The following PTDSS1 variants were observed in gnomAD, a reference collection of about 807,000 sequenced individuals.
PTDSS1 encodes phosphatidylserine synthase 1, also known as PSS-1.
PTDSS1 carries 45 observed loss-of-function variants against 70.5 expected under a neutral mutation model. The observed-to-expected ratio is 0.64, with a 90% confidence interval of 0.50 to 0.82. The LOEUF (loss-of-function observed/expected upper bound fraction) is 0.82, where lower values mean the gene tolerates loss of function less well. Ranked by LOEUF, PTDSS1 falls within the 40% of genes least tolerant of loss-of-function variation. The pLI is 0.00. For missense variants in PTDSS1, 417 were observed against 586.1 expected (o/e 0.71, Z 2.98); for synonymous variants, 188 against 203.8 (o/e 0.92, Z 0.66).
rs779207081 is a variant in PTDSS1 at position 96,284,984 on chromosome 8, CCAGA to C, written c.316+839_316+842del. ...TGTGCCCTGAGGCCACCAGGGAAGG[CCAGA>C]CAGACAGGAGCCTGCCCTCAAGGAG... On this transcript the variant is annotated intron_variant, in intron 3 of 12. Transcript: ENST00000517309. Among the ~76,000 whole-genome samples, 17 of 152,320 alleles carry C rather than the reference CCAGA, an allele frequency of 1.1e-4. No homozygotes were observed. In the East Asian group the frequency reaches 1.5e-3, roughly 14 times the overall value.
At position 96,286,099 on chromosome 8, in the gene PTDSS1, C is replaced by T. The variant is rs115760069; in HGVS notation, c.317-923C>T. The stretch of plus-strand genomic sequence containing the variant: ...GCGCTTGCAGTGGATTTCATTCCAG[C>T]CACGGACGTGCTCTCCTCTGGAGTG... On this transcript the variant is annotated intron_variant, in intron 3 of 12. Coordinates refer to ENST00000517309, the MANE Select transcript of PTDSS1 (RefSeq NM_014754.3). Among the ~76,000 whole-genome samples, 599 of 152,234 alleles carry T rather than the reference C, an allele frequency of 3.9e-3. 3 individuals are homozygous for T. Among genetic ancestry groups the T allele is most frequent in the South Asian group, 0.024 (114 of 4,830 alleles).
intron 9 of PTDSS1, among the ~76,000 whole-genome samples, chr8:96,319,688 A>G (rs1454716390): frequency 6.6e-6 from 1 of 152,178 alleles, no homozygotes; most frequent in African/African-American, 2.4e-5. Flanking sequence ...TGTGGCAGCC[A>G]CCTAGCCTCT....
At chr8:96,312,180 G>A (rs1811221779) in intron 9 of PTDSS1, among the ~76,000 whole-genome samples, 2 of 152,232 alleles carry the variant, frequency 1.3e-5, no homozygotes, top group African/African-American at 4.8e-5. Flanking sequence ...CTCCACTATG[G>A]CGGCTCACGC....
chr8:96,307,428 C>CTTGTCATCA (rs1361852825), intron 8 of PTDSS1, among the ~76,000 whole-genome samples: 1 of 117,090 alleles, frequency 8.5e-6, no homozygotes, highest in Non-Finnish European at 1.6e-5. Flanking sequence ...AGCACCTCTT[C>CTTGTCATCA]TTGTCATCAT....
Position 96,310,112 on chromosome 8 carries a change from C to T in PTDSS1, c.1073+490C>T, listed in dbSNP as rs186009037. On this transcript the variant is annotated intron_variant, in intron 9 of 12. Transcript: ENST00000517309. ...CCACTGCACTGCACTCCAGCCTGGG[C>T]GATAGAGTGAGACTCCATGTTAAAA... Among the ~76,000 whole-genome samples, 500 of 150,880 alleles carry T rather than the reference C, an allele frequency of 3.3e-3. 2 individuals carry two copies. The highest frequency in any genetic ancestry group is 0.011 in the African/African-American group (453 of 41,100).
chr8:96,324,474 G>T lies in PTDSS1; in HGVS notation c.1173+4129G>T, dbSNP rs531186223. Among the ~76,000 whole-genome samples, 4 of 152,312 alleles carry T rather than the reference G, an allele frequency of 2.6e-5. No homozygotes were observed. The East Asian group carries it at 5.8e-4, about 22-fold the overall frequency. ...TACTGCAGACTGGGTAATTTCAAAA[G>T]AAAATAAGTTTATTCTGCTCACAGT... On this transcript the variant is annotated intron_variant, in intron 10 of 12. Transcript: ENST00000517309.
intron 5 of PTDSS1, among the ~76,000 whole-genome samples, chr8:96,299,038 T>C (rs1393622780): frequency 2.0e-5 from 3 of 147,108 alleles, no homozygotes; most frequent in Non-Finnish European, 4.5e-5. Context: ...AGACTCTGTC[T>C]CAGAAAAAAA....
At chr8:96,281,018 T>C (rs1190638271) in intron 2 of PTDSS1, among the ~76,000 whole-genome samples, 1 of 152,142 alleles carries the variant, frequency 6.6e-6, no homozygotes, top group African/African-American at 2.4e-5. Context: ...GGGCAGGTGA[T>C]GCTGTGGAAT....
intron 2 of PTDSS1, among the ~76,000 whole-genome samples, chr8:96,282,470 T>C (rs2130041613): frequency 6.6e-6 from 1 of 152,302 alleles, no homozygotes; most frequent in East Asian, 1.9e-4. Context: ...CAGATTTAGA[T>C]GAATTTTCAA....
chr8:96,327,888 C>G (rs9886481), intron 10 of PTDSS1, among the ~76,000 whole-genome samples: 60,355 of 151,952 alleles, frequency 0.4, 12,887 homozygotes, highest in East Asian at 0.6. Context: ...TAAATCTGAG[C>G]CTTGACATTT....
At chr8:96,267,731 G>A (rs1366526261) in intron 1 of PTDSS1, among the ~76,000 whole-genome samples, 2 of 152,132 alleles carry the variant, frequency 1.3e-5, no homozygotes, top group Admixed American at 6.5e-5. Context: ...GGACTCCAGC[G>A]TCCTTTGTAA....
At chr8:96,264,202 CATA>C (rs1167034595) in intron 1 of PTDSS1, among the ~76,000 whole-genome samples, 2 of 152,158 alleles carry the variant, frequency 1.3e-5, no homozygotes, top group East Asian at 3.8e-4. Context: ...TGTGTGGCCA[CATA>C]ATTTTGCTAG....
Position 96,331,087 on chromosome 8 carries a change from G to A in PTDSS1, c.1304G>A (p.Gly435Glu). 1 of 1,600,182 alleles carries A rather than the reference G, an allele frequency of 6.2e-7. No individual in the cohort carries two copies. The highest frequency in any genetic ancestry group is 8.5e-7 in the Non-Finnish European group (1 of 1,171,048). Reference protein sequence around the residue: ...SPEISWHHRKGTKGSEDSPPK... With the variant: ...SPEISWHHRKETKGSEDSPPK... ...GAGATCTCCTGGCATCACAGGAAAG[G>A]GACAAAAGGTATCTTGTTCTTGTTC... The change falls in exon 12 of 13, where the codon GGG (glycine) becomes GAG (glutamate). Residue 435 changes from glycine to glutamate, a missense_variant. Gly to Glu is a moderately conservative substitution (Grantham distance 98, BLOSUM62 -2). Around this residue, in one of 3 missense-constraint regions of PTDSS1, gnomAD observed 107 missense variants for 122.3 expected, o/e 0.88. Coordinates refer to ENST00000517309, the MANE Select transcript of PTDSS1 (RefSeq NM_014754.3).
intron 9 of PTDSS1, among the ~76,000 whole-genome samples, chr8:96,316,595 T>A (rs1811292081): frequency 6.6e-6 from 1 of 152,126 alleles, no homozygotes; most frequent in African/African-American, 2.4e-5. Flanking sequence ...GAAAACTACT[T>A]GCTGGGTGCT....
chr8:96,282,866 T>C (rs1328835620), intron 2 of PTDSS1, among the ~76,000 whole-genome samples: 1 of 152,102 alleles, frequency 6.6e-6, no homozygotes, highest in Non-Finnish European at 1.5e-5. Flanking sequence ...ATAGGCTTGC[T>C]TGGAAACCAA....
Position 96,309,558 on chromosome 8 carries a change from C to T in PTDSS1, c.1009C>T (p.Gln337Ter). Residue 337 changes from glutamine to a stop codon, truncating the protein, a stop_gained and splice_region_variant, in exon 9 of 13, where the codon CAG (glutamine) becomes TAG (stop). Transcript: ENST00000517309. LOFTEE classifies it high-confidence loss of function. Reference protein sequence around the residue: ...IGGITAPTVRQYYAYLTDTQC... With the variant: ...IGGITAPTVR ...TGAATTCCAACTTTGTTCTTTCAGA[C>T]AGTACTACGCTTACCTCACCGACAC... 6.2e-7 allele frequency: 1 copy of T among 1,612,766 alleles called. No individual in the cohort carries two copies. Among genetic ancestry groups the T allele is most frequent in the Non-Finnish European group, 8.5e-7 (1 of 1,179,064 alleles).
intron 3 of PTDSS1, among the ~76,000 whole-genome samples, chr8:96,285,414 C>A (rs1810809101): frequency 6.8e-6 from 1 of 147,714 alleles, no homozygotes; most frequent in African/African-American, 2.7e-5. Flanking sequence ...GGGTAAAGAG[C>A]AGGGCATGAA....
At chr8:96,271,128 C>T (rs1810560118) in intron 1 of PTDSS1, among the ~76,000 whole-genome samples, 1 of 152,144 alleles carries the variant, frequency 6.6e-6, no homozygotes, top group African/African-American at 2.4e-5. Context: ...GTGAATACCT[C>T]TCTCCATACT....
intron 9 of PTDSS1, among the ~76,000 whole-genome samples, chr8:96,318,902 CTTTTTTTTT>C (rs71267241): frequency 6.5e-5 from 3 of 46,168 alleles, no homozygotes; most frequent in East Asian, 8.3e-4. Flanking sequence ...CCCTTCTTGC[CTTTTTTTTT>C]TTTTTTTTTT....
Sources: gnomAD v4.1 joint callset for allele counts (sites outside exome capture counted in the v4.1 genomes callset) on GRCh38, gnomAD v4.1.1 for gene constraint, gnomAD v4.1.1 regional missense constraint, MANE v1.5 for transcripts, NCBI Gene and HGNC (gene_info 2026-07-23, HGNC 2026-07-21) for gene names.